SPIN1: variants seen among roughly 807,000 people sequenced by gnomAD.
SPIN1 encodes the protein spindlin 1.
In SPIN1, 3 loss-of-function variants were observed where a neutral mutation model predicts 26.0. That is an observed-to-expected ratio of 0.12 (90% CI 0.05 to 0.30). SPIN1 has a LOEUF of 0.30. SPIN1 is among the 10% of genes least tolerant of loss of function. The pLI is 1.00. For synonymous variants in SPIN1, 101 were observed against 116.5 expected (o/e 0.87, Z 0.86); for missense variants, 126 against 333.4 (o/e 0.38, Z 4.84).
chr9:88,458,823 T>C (rs1828524056), intron 3 of SPIN1, among the ~76,000 whole-genome samples: 1 of 152,128 alleles, frequency 6.6e-6, no homozygotes, highest in African/African-American at 2.4e-5. Context: ...AAACAGCCAG[T>C]CTGGAGGCAG....
In SPIN1 at chr9:88,478,416, G is replaced by T. The variant is rs531084511; in HGVS notation, c.*3139G>T. 6.6e-6 allele frequency: 1 copy of T among 152,566 alleles called. No homozygotes were observed. The highest frequency in any genetic ancestry group is 1.5e-5 in the Non-Finnish European group (1 of 68,020). 9.5% of individuals were successfully genotyped at this position (152,566 alleles called of 1,614,324 possible). A position where few individuals can be genotyped will look rare whatever the true frequency, so the allele number is the denominator to read the frequency against. On this transcript the variant is annotated 3_prime_UTR_variant, in exon 6 of 6. Transcript: ENST00000375859. The stretch of plus-strand genomic sequence containing the variant: ...GTCTGTGGTTCCTTGGAAATGCTGC[G>T]CTCTTTGTGTTTTTCCATCATTAGT...
At chr9:88,420,916 T>C (rs1334916113) in intron 1 of SPIN1, among the ~76,000 whole-genome samples, 1 of 152,220 alleles carries the variant, frequency 6.6e-6, no homozygotes, top group East Asian at 1.9e-4. Flanking sequence ...TTGTTTCTGC[T>C]TTCTTCAGGC....
At chr9:88,466,349 G>A (rs1372503367) in intron 4 of SPIN1, among the ~76,000 whole-genome samples, 2 of 152,108 alleles carry the variant, frequency 1.3e-5, no homozygotes, top group African/African-American at 4.8e-5. Flanking sequence ...GTAGAGATGA[G>A]ATCTCATTAT....
intron 2 of SPIN1, among the ~76,000 whole-genome samples, chr9:88,429,943 C>G (rs1053701783): frequency 1.3e-5 from 2 of 152,102 alleles, no homozygotes; most frequent in South Asian, 4.2e-4. Flanking sequence ...GGAGGAAGGC[C>G]AAATATATAT....
intron 2 of SPIN1, among the ~76,000 whole-genome samples, chr9:88,432,158 C>T (rs562160497): frequency 6.6e-6 from 1 of 151,644 alleles, no homozygotes; most frequent in African/African-American, 2.4e-5. Flanking sequence ...TGATCTCCAT[C>T]ACCCTCCCCT....
chr9:88,459,684 C>G (rs1828539448), intron 3 of SPIN1, among the ~76,000 whole-genome samples: 1 of 152,156 alleles, frequency 6.6e-6, no homozygotes, highest in Non-Finnish European at 1.5e-5. Flanking sequence ...GCCATTTGTT[C>G]TACAGTTAAA....
chr9:88,447,795 G>T (rs1273603151), intron 2 of SPIN1, among the ~76,000 whole-genome samples: 1 of 152,132 alleles, frequency 6.6e-6, no homozygotes, highest in Non-Finnish European at 1.5e-5. Context: ...TGGTAAAAGG[G>T]TGGTGTTCTT....
chr9:88,448,768 G>GTAT (rs1434060661), intron 2 of SPIN1, among the ~76,000 whole-genome samples, 173 bp from the exon 3 acceptor site: 1 of 152,110 alleles, frequency 6.6e-6, no homozygotes, highest in Admixed American at 6.6e-5. Flanking sequence ...TCTCTTGTGT[G>GTAT]TATCTCTTTT....
chr9:88,401,367 A>G (rs1325664122), intron 1 of SPIN1, among the ~76,000 whole-genome samples: 18 of 152,126 alleles, frequency 1.2e-4, no homozygotes, highest in Admixed American at 1.2e-3. Flanking sequence ...ATAGGAAAAA[A>G]AATTCATACA....
intron 1 of SPIN1, among the ~76,000 whole-genome samples, chr9:88,412,420 A>G (rs575266136): frequency 1.1e-4 from 17 of 152,260 alleles, no homozygotes; most frequent in African/African-American, 3.9e-4. Flanking sequence ...CATTGTTCCC[A>G]AGAGTTGGCC....
intron 2 of SPIN1, among the ~76,000 whole-genome samples, chr9:88,444,558 T>C (rs1283953768): frequency 6.6e-6 from 1 of 151,386 alleles, no homozygotes; most frequent in Admixed American, 6.6e-5. Context: ...TCTGTTTTTA[T>C]AATATCTTCA....
chr9:88,438,084 G>T (rs1221186591), intron 2 of SPIN1, among the ~76,000 whole-genome samples: 3 of 151,500 alleles, frequency 2.0e-5, no homozygotes. Flanking sequence ...CTGGGAGGCA[G>T]AATTTGCAGT....
At chr9:88,452,500 T>G (rs1313206645) in intron 3 of SPIN1, among the ~76,000 whole-genome samples, 1 of 152,224 alleles carries the variant, frequency 6.6e-6, no homozygotes, top group Non-Finnish European at 1.5e-5. Context: ...GTCAGAACAT[T>G]GAATGCTTTT....
At chr9:88,428,261 T>A (rs1240321402) in intron 2 of SPIN1, among the ~76,000 whole-genome samples, 2 of 152,148 alleles carry the variant, frequency 1.3e-5, no homozygotes, top group African/African-American at 4.8e-5. Context: ...GAGGTTTGGG[T>A]TTCTATTGAT....
intron 1 of SPIN1, among the ~76,000 whole-genome samples, chr9:88,409,484 G>C (rs1321909332): frequency 1.3e-5 from 2 of 152,024 alleles, no homozygotes; most frequent in East Asian, 3.9e-4. Flanking sequence ...GCATCTTAGG[G>C]AATAGGCAGT....
intron 1 of SPIN1, among the ~76,000 whole-genome samples, chr9:88,414,324 T>A (rs1347529650): frequency 1.3e-5 from 2 of 152,228 alleles, no homozygotes; most frequent in Non-Finnish European, 2.9e-5. Flanking sequence ...TTGGTCTTTC[T>A]GGTTTGGCCA....
At chr9:88,401,143 G>A (rs1218633374) in intron 1 of SPIN1, among the ~76,000 whole-genome samples, 2 of 152,174 alleles carry the variant, frequency 1.3e-5, no homozygotes, top group African/African-American at 2.4e-5. Context: ...AAATGCATGT[G>A]CTCTGTTGAT....
At chr9:88,427,904 A>C (rs940369541) in intron 2 of SPIN1, among the ~76,000 whole-genome samples, 2 of 152,136 alleles carry the variant, frequency 1.3e-5, no homozygotes, top group African/African-American at 2.4e-5. Context: ...TGGCCAAAAA[A>C]TGGGACTATT....
intron 2 of SPIN1, among the ~76,000 whole-genome samples, chr9:88,438,473 C>A (rs1388779891): frequency 4.6e-5 from 7 of 152,104 alleles, no homozygotes; most frequent in African/African-American, 1.7e-4. Flanking sequence ...ATAATGTCGT[C>A]TGTTTTGGTG....
Sources: allele counts gnomAD v4.1 joint callset (sites outside exome capture counted in the v4.1 genomes callset), GRCh38; gene constraint gnomAD v4.1.1; transcripts MANE v1.5; gene names NCBI Gene and HGNC (gene_info 2026-07-23, HGNC 2026-07-21).